The following LRRFIP1 variants were observed in gnomAD, a reference collection of about 807,000 sequenced individuals.
LRRFIP1 encodes the protein leucine-rich repeat flightless-interacting protein 1.
Under a neutral mutation model 104.4 loss-of-function variants are expected in LRRFIP1, and 62 were observed. The observed-to-expected ratio is 0.59, with a 90% CI of 0.48 to 0.73. The LOEUF (loss-of-function observed/expected upper bound fraction) is 0.73. Ranked by LOEUF, LRRFIP1 falls within the 30% of genes least tolerant of loss-of-function variation. LRRFIP1 has a pLI of 0.00. For synonymous variants in LRRFIP1, 300 were observed against 299.0 expected (o/e 1.00, Z -0.03); for missense variants, 796 against 824.5 (o/e 0.97, Z 0.42).
chr2:237,656,140 A>G (rs2086784007), intron 1 of LRRFIP1, among the ~76,000 whole-genome samples: 1 of 152,210 alleles, frequency 6.6e-6, no homozygotes, highest in Non-Finnish European at 1.5e-5. Context: ...ACATCTATCT[A>G]TCTATATGTA....
chr2:237,653,569 G>A (rs558630182), intron 1 of LRRFIP1, among the ~76,000 whole-genome samples: 1 of 152,306 alleles, frequency 6.6e-6, no homozygotes, highest in East Asian at 1.9e-4. Flanking sequence ...TGAGCAATAA[G>A]AACAAAGCTG....
intron 1 of LRRFIP1, among the ~76,000 whole-genome samples, chr2:237,693,568 C>T (rs924688511): frequency 6.6e-6 from 1 of 152,086 alleles, no homozygotes; most frequent in Non-Finnish European, 1.5e-5. Context: ...CCGGTTTTTA[C>T]CCCTTCAACT....
At chr2:237,653,246 A>G (rs1187562395) in intron 1 of LRRFIP1, among the ~76,000 whole-genome samples, 2 of 152,246 alleles carry the variant, frequency 1.3e-5, no homozygotes, top group African/African-American at 2.4e-5. Context: ...AAAAATAAAG[A>G]AAAGAATCCC....
chr2:237,651,717 A>G (rs2085967098), intron 1 of LRRFIP1, among the ~76,000 whole-genome samples: 1 of 152,282 alleles, frequency 6.6e-6, no homozygotes, highest in African/African-American at 2.4e-5. Context: ...AAAATTTTAT[A>G]TTAGCCACAT....
At position 237,781,229 on chromosome 2, in the gene LRRFIP1, C is replaced by CA. The variant is rs2061422362; in HGVS notation, c.*1698dup. Among the ~76,000 whole-genome samples, 1 of 152,254 alleles carries CA rather than the reference C, an allele frequency of 6.6e-6. No individual in the cohort carries two copies. Among genetic ancestry groups the CA allele is most frequent in the Non-Finnish European group, 1.5e-5 (1 of 68,046 alleles). On this transcript the variant is annotated 3_prime_UTR_variant, in exon 24 of 24. Coordinates refer to ENST00000308482, the MANE Select transcript of LRRFIP1 (RefSeq NM_001137550.2). ...GTGAATAACACCAGCAGCAAACACT[C>CA]ACACATCACGCAGACACGGCCGGCA...
chr2:237,656,009 G>A (rs1174390282), intron 1 of LRRFIP1, among the ~76,000 whole-genome samples: 1 of 152,120 alleles, frequency 6.6e-6, no homozygotes, highest in Non-Finnish European at 1.5e-5. Context: ...CTTTTCATTG[G>A]GGTTATTTTC....
chr2:237,731,561 A>T (rs893434086), intron 8 of LRRFIP1, among the ~76,000 whole-genome samples: 3 of 152,100 alleles, frequency 2.0e-5, no homozygotes. Flanking sequence ...CGGTGGGTTT[A>T]ACACCTTGAA....
intron 19 of LRRFIP1, chr2:237,763,668 T>C (rs752766269): frequency 6.2e-7 from 1 of 1,614,082 alleles, no homozygotes; most frequent in South Asian, 1.1e-5. Flanking sequence ...AAAATTAAGT[T>C]GGATGGAAAA....
intron 14 of LRRFIP1, 95 bp downstream of exon 14, chr2:237,751,366 T>G: frequency 7.5e-6 from 7 of 930,926 alleles, no homozygotes; most frequent in Non-Finnish European, 9.9e-6. Context: ...AGTGCATGCT[T>G]ACTGTAAATA....
In LRRFIP1 at chr2:237,758,167, G is replaced by A. The variant is rs144469576; in HGVS notation, c.1225-562G>A. On this transcript the variant is annotated intron_variant, in intron 17 of 23. Coordinates refer to ENST00000308482, the MANE Select transcript of LRRFIP1 (RefSeq NM_001137550.2). ...CGTCGAGATACCTGCACAAACCATCGGCACGTTGACTCAAGCCACACTGTG... is the reference window on the plus strand; with the variant it reads ...CGTCGAGATACCTGCACAAACCATCAGCACGTTGACTCAAGCCACACTGTG... Among the ~76,000 whole-genome samples the A allele has an allele frequency of 1.2e-4, 17 of 138,626 alleles. No homozygotes were observed. In the East Asian group the frequency reaches 3.8e-3, roughly 31 times the overall value. The allele number at this position is 138,626 out of a possible 152,430, so 90.9% of individuals were successfully genotyped here.
At chr2:237,741,825 C>G (rs2057119591) in intron 11 of LRRFIP1, among the ~76,000 whole-genome samples, 2 of 149,206 alleles carry the variant, frequency 1.3e-5, no homozygotes, top group South Asian at 4.2e-4. Flanking sequence ...AAGGCTCCGT[C>G]TAAAAAAAAA....
intron 8 of LRRFIP1, among the ~76,000 whole-genome samples, chr2:237,730,583 A>G (rs1271380211): frequency 6.6e-6 from 1 of 152,118 alleles, no homozygotes; most frequent in East Asian, 1.9e-4. Flanking sequence ...TGGGAGGGAG[A>G]CACTGGTTTT....
rs1323337816 is a variant in LRRFIP1 at position 237,724,044 on chromosome 2, TCTGA to T, written c.384+461_384+464del. Among the ~76,000 whole-genome samples, 5 of 145,480 alleles carry T rather than the reference TCTGA, an allele frequency of 3.4e-5. No homozygotes were observed. The East Asian group carries it at 1.1e-3, about 32-fold the overall frequency. On this transcript the variant is annotated intron_variant, in intron 7 of 23. Transcript: ENST00000308482. Reference sequence around the variant, plus strand: ...ATATCCATTCAAATTAAATGTACAATCTGACTTTTTTTTTTTTTTTTGCCAGAAA... The same window carrying T: ...ATATCCATTCAAATTAAATGTACAATCTTTTTTTTTTTTTTTTGCCAGAAA...
At chr2:237,678,958 T>C (rs1219571095) in intron 1 of LRRFIP1, among the ~76,000 whole-genome samples, 2 of 152,164 alleles carry the variant, frequency 1.3e-5, no homozygotes, top group South Asian at 2.1e-4. Flanking sequence ...ATCCCTCCCA[T>C]TTTACAGATG....
intron 23 of LRRFIP1, among the ~76,000 whole-genome samples, chr2:237,777,658 T>C (rs1035082352): frequency 6.6e-6 from 1 of 152,192 alleles, no homozygotes; most frequent in Admixed American, 6.5e-5. Context: ...AGTTTTACTG[T>C]TAGATGTAGT....
Position 237,763,314 on chromosome 2 carries a change from G to T in LRRFIP1, c.1459+3109G>T. 1.2e-6 allele frequency: 2 copies of T among 1,614,112 alleles called. No homozygotes were observed. The highest frequency in any genetic ancestry group is 1.7e-6 in the Non-Finnish European group (2 of 1,180,026). Reference sequence around the variant, plus strand: ...GAGGGCAACTGTCAGGAAGCGACAGGTCCAAGTACAGTAGACACTCAAAAT... The same window carrying T: ...GAGGGCAACTGTCAGGAAGCGACAGTTCCAAGTACAGTAGACACTCAAAAT... On this transcript the variant is annotated intron_variant, in intron 19 of 23. Transcript: ENST00000308482.
chr2:237,733,922 G>GAACA, intron 9 of LRRFIP1, 104 bp downstream of exon 9: 1 of 1,247,198 alleles, frequency 8.0e-7, no homozygotes, highest in African/African-American at 1.5e-5. Context: ...AGCCCCCTGG[G>GAACA]GGAAGTTGCA....
intron 21 of LRRFIP1, chr2:237,772,554 G>T (rs945421532): frequency 3.6e-5 from 18 of 493,946 alleles, no homozygotes; most frequent in African/African-American, 3.4e-4. Flanking sequence ...AGTCTTAAGG[G>T]AGATAAAATT....
intron 10 of LRRFIP1, among the ~76,000 whole-genome samples, chr2:237,736,970 G>C (rs2095268942): frequency 6.6e-6 from 1 of 152,178 alleles, no homozygotes. Context: ...GGGAGGTTAT[G>C]GCCCAGGACG....
Sources: allele counts gnomAD v4.1 joint callset (sites outside exome capture counted in the v4.1 genomes callset), GRCh38; gene constraint gnomAD v4.1.1; transcripts MANE v1.5; gene names NCBI Gene and HGNC (gene_info 2026-07-23, HGNC 2026-07-21).